Variants in ANO3 observed in about 807,000 individuals in gnomAD.
The protein encoded by ANO3 is anoctamin-3.
Under a neutral mutation model 144.8 loss-of-function variants are expected in ANO3, and 99 were observed. The observed-to-expected ratio is 0.68, with a 90% CI of 0.58 to 0.81. The LOEUF is 0.81. ANO3 is among the 30% of genes least tolerant of loss of function. ANO3 has a pLI of 0.00. For missense variants in ANO3, 905 were observed against 1,202.2 expected, an observed-to-expected ratio of 0.75 and a Z score of 3.66; for synonymous variants, 414 against 392.6, an observed-to-expected ratio of 1.05 and a Z score of -0.64.
chr11:26,271,068 A>G (rs1662343558), intron 1 of ANO3, among the ~76,000 whole-genome samples: 1 of 152,216 alleles, frequency 6.6e-6, no homozygotes, highest in African/African-American at 2.4e-5. Context: ...AGGGATGAAT[A>G]TATCAAGCTA....
chr11:26,233,909 A>T (rs1425124951), intron 1 of ANO3, among the ~76,000 whole-genome samples: 1 of 152,112 alleles, frequency 6.6e-6, no homozygotes, highest in South Asian at 2.1e-4. Context: ...ACATGGACAC[A>T]GGGAGGGGAA....
At chr11:26,355,196 T>C (rs1334641460) in intron 1 of ANO3, among the ~76,000 whole-genome samples, 4 of 152,172 alleles carry the variant, frequency 2.6e-5, no homozygotes, top group Non-Finnish European at 5.9e-5. Context: ...CCTGTTTTAC[T>C]GAGACATGTT....
intron 1 of ANO3, among the ~76,000 whole-genome samples, chr11:26,436,351 C>T (rs1590357033): frequency 6.6e-6 from 1 of 152,186 alleles, no homozygotes; most frequent in South Asian, 2.1e-4. Flanking sequence ...AGGGGGTGGA[C>T]CCAGTGAGGA....
At chr11:26,448,438 G>T (rs1028395712) in intron 3 of ANO3, among the ~76,000 whole-genome samples, 1 of 152,100 alleles carries the variant, frequency 6.6e-6, no homozygotes, top group Non-Finnish European at 1.5e-5. Context: ...ACTTCCTCAG[G>T]AATGGGTTCA....
chr11:26,365,981 TATATATATATATATATATATA>T (rs1856066051), intron 1 of ANO3, among the ~76,000 whole-genome samples: 2 of 7,248 alleles, frequency 2.8e-4, no homozygotes, highest in African/African-American at 1.1e-3. Flanking sequence ...TATATATATA[TATATATATATATATATATATA>T]TTTTAATTAT....
intron 1 of ANO3, among the ~76,000 whole-genome samples, chr11:26,203,584 G>A (rs1851738702): frequency 6.6e-6 from 1 of 152,124 alleles, no homozygotes; most frequent in Non-Finnish European, 1.5e-5. Context: ...GTGGCTAGAA[G>A]GATAAGTGTT....
chr11:26,598,608 C>T (rs1301282456), intron 15 of ANO3, among the ~76,000 whole-genome samples, 161 bp downstream of exon 15: 1 of 152,132 alleles, frequency 6.6e-6, no homozygotes, highest in Non-Finnish European at 1.5e-5. Flanking sequence ...TAATAGAGAT[C>T]AATGAAGTAT....
intron 1 of ANO3, among the ~76,000 whole-genome samples, chr11:26,385,176 GA>G (rs1404988731): frequency 1.3e-5 from 2 of 152,128 alleles, no homozygotes; most frequent in Non-Finnish European, 2.9e-5. Context: ...TCACTAGATG[GA>G]AAAATAGATT....
intron 17 of ANO3, among the ~76,000 whole-genome samples, chr11:26,600,236 CTCCTT>C (rs1228599623): frequency 4.7e-5 from 6 of 126,826 alleles, no homozygotes; most frequent in South Asian, 3.1e-4. Context: ...CTTCTCTCGT[CTCCTT>C]TCCTCTCCTC....
Position 26,598,397 on chromosome 11 carries a change from AG to A in ANO3, c.1482del (p.Ser495ValfsTer3). 6.4e-7 allele frequency: 1 copy of A among 1,564,666 alleles called. No homozygotes were observed. Among genetic ancestry groups the A allele is most frequent in the Non-Finnish European group, 8.6e-7 (1 of 1,156,718 alleles). On this transcript the variant is annotated frameshift_variant, in exon 15 of 27. Coordinates refer to ENST00000256737, the MANE Select transcript of ANO3 (RefSeq NM_031418.4). LOFTEE classifies it high-confidence loss of function. ...TVFLEFWKRR[R>X]SILTYTWDLI... ...CTTCCTGGAGTTTTGGAAAAGGAGA[AG>A]GAGTATACTGACCTATACTTGGGAC... is the stretch of plus-strand genomic sequence containing the variant.
upstream of ANO3, among the ~76,000 whole-genome samples, chr11:26,308,864 A>G (rs974313037): frequency 2.0e-5 from 3 of 152,214 alleles, no homozygotes; most frequent in Admixed American, 6.5e-5. Flanking sequence ...TTTAGCATGC[A>G]CAAAAGCTAA....
rs142168045 is a variant in ANO3, at chr11:26,563,063, C to T, written c.1447+3284C>T. 363 of 1,584,712 alleles carry T rather than the reference C, an allele frequency of 2.3e-4. 1 individual carries two copies. In the African/African-American group the frequency reaches 4.1e-3, roughly 18 times the overall value. ...AGGCAATGCAGTGAACATTGGCATC[C>T]TCATTTAATTAAAACCACTGTGCCC... On this transcript the variant is annotated intron_variant, in intron 14 of 26. Coordinates refer to ENST00000256737, the MANE Select transcript of ANO3 (RefSeq NM_031418.4).
intron 13 of ANO3, among the ~76,000 whole-genome samples, chr11:26,558,573 G>A (rs17309195): frequency 0.1 from 15,411 of 151,942 alleles, 962 homozygotes; most frequent in Middle Eastern, 0.15. Flanking sequence ...TAGAAATACC[G>A]TGCCTTAACC....
intron 1 of ANO3, among the ~76,000 whole-genome samples, chr11:26,360,138 C>CT (rs1431553647): frequency 9.0e-6 from 1 of 111,580 alleles, no homozygotes; most frequent in African/African-American, 3.5e-5. Flanking sequence ...ACATTTTTTC[C>CT]TTTTTATAAG....
At chr11:26,282,805 T>C (rs1378428696) in intron 1 of ANO3, among the ~76,000 whole-genome samples, 4 of 152,062 alleles carry the variant, frequency 2.6e-5, no homozygotes, top group African/African-American at 9.7e-5. Context: ...AATACAAAAG[T>C]ATAAATAGAA....
chr11:26,244,056 G>A (rs1852725427), intron 1 of ANO3, among the ~76,000 whole-genome samples: 1 of 149,860 alleles, frequency 6.7e-6, no homozygotes, highest in Non-Finnish European at 1.5e-5. Flanking sequence ...GGCAGAGGTT[G>A]CAGTGAGCTG....
At chr11:26,602,482 T>C (rs1297697711) in intron 17 of ANO3, among the ~76,000 whole-genome samples, 3 of 152,074 alleles carry the variant, frequency 2.0e-5, no homozygotes, top group African/African-American at 7.2e-5. Context: ...ATCCCAACAC[T>C]TTGGGAAGTC....
chr11:26,516,635 A>G (rs947253680), intron 5 of ANO3, among the ~76,000 whole-genome samples, 192 bp from the exon 6 acceptor site: 23 of 151,954 alleles, frequency 1.5e-4, no homozygotes, highest in African/African-American at 5.6e-4. Context: ...CTTCTACACG[A>G]TGTCATTATT....
chr11:26,342,357 T>G (rs1472595889), intron 1 of ANO3, among the ~76,000 whole-genome samples: 1 of 152,194 alleles, frequency 6.6e-6, no homozygotes, highest in Non-Finnish European at 1.5e-5. Flanking sequence ...TAGGAGGTGA[T>G]TAACCCATGA....
Sources: gnomAD v4.1 joint callset for allele counts (sites outside exome capture counted in the v4.1 genomes callset) on GRCh38, gnomAD v4.1.1 for gene constraint, MANE v1.5 for transcripts, NCBI Gene and HGNC (gene_info 2026-07-23, HGNC 2026-07-21) for gene names.